OCA2: variants seen among roughly 807,000 people sequenced by gnomAD.
OCA2 encodes P protein.
Under a neutral mutation model 100.2 loss-of-function variants are expected in OCA2, and 77 were observed. That is an observed-to-expected ratio of 0.77 (90% CI 0.64 to 0.93). The LOEUF (loss-of-function observed/expected upper bound fraction) is 0.93. Ranked by LOEUF, OCA2 falls within the 40% of genes least tolerant of loss-of-function variation. The pLI, the probability that OCA2 is intolerant of heterozygous loss-of-function variation, is 0.00. For missense variants in OCA2, 1,062 were observed against 1,089.1 expected, an observed-to-expected ratio of 0.98 and a Z score of 0.35; for synonymous variants, 432 against 439.2, an observed-to-expected ratio of 0.98 and a Z score of 0.21.
At chr15:27,829,590 G>C (rs893147002) in intron 23 of OCA2, among the ~76,000 whole-genome samples, 5 of 152,216 alleles carry the variant, frequency 3.3e-5, no homozygotes, top group Admixed American at 2.0e-4. Flanking sequence ...CAGCAACATG[G>C]AGTTTCCAGG....
chr15:27,743,381 G>T, the OCA2 span, among the ~76,000 whole-genome samples: 1 of 152,182 alleles, frequency 6.6e-6, no homozygotes, highest in Non-Finnish European at 1.5e-5. Context: ...CTTTCAGGCT[G>T]CCAGGAGAAA....
chr15:27,720,353 A>C, the OCA2 span, among the ~76,000 whole-genome samples: 1 of 151,094 alleles, frequency 6.6e-6, no homozygotes, highest in African/African-American at 2.4e-5. Flanking sequence ...GGCAGAACAA[A>C]CAAGCGTCAC....
At chr15:28,015,032 A>G (rs752954145) in intron 8 of OCA2, 103 bp from the exon 9 acceptor site, 2 of 1,211,956 alleles carry the variant, frequency 1.7e-6, no homozygotes, top group Non-Finnish European at 2.4e-6. Context: ...GGAACAATTC[A>G]GCCCAACGCC....
At chr15:27,876,274 T>A (rs1056801430) in intron 19 of OCA2, among the ~76,000 whole-genome samples, 1 of 152,114 alleles carries the variant, frequency 6.6e-6, no homozygotes. Flanking sequence ...ATACTAATTA[T>A]TGAATGTTAA....
At chr15:27,909,192 C>T (rs2038292321) in intron 19 of OCA2, among the ~76,000 whole-genome samples, 1 of 152,092 alleles carries the variant, frequency 6.6e-6, no homozygotes, top group African/African-American at 2.4e-5. Flanking sequence ...ATACCTTTAA[C>T]AAAAAATGTG....
At position 28,037,260 on chromosome 15, in the gene OCA2, T is replaced by C. The variant is rs1267965516; in HGVS notation, c.228-5097A>G. Among the ~76,000 whole-genome samples the C allele has an allele frequency of 2.0e-5, 3 of 150,818 alleles. No individual in the cohort carries two copies. In the East Asian group the frequency reaches 5.9e-4, roughly 30 times the overall value. ...GGGACCAAAATAAATCAAGCAGAAG[T>C]CAGAGGGCAGGAAGGCAGCTGGTGG... On this transcript the variant is annotated intron_variant, in intron 2 of 23. Coordinates refer to ENST00000354638, the MANE Select transcript of OCA2 (RefSeq NM_000275.3).
At chr15:28,009,645 G>A (rs943247637) in intron 9 of OCA2, among the ~76,000 whole-genome samples, 19 of 151,078 alleles carry the variant, frequency 1.3e-4, no homozygotes, top group African/African-American at 3.6e-4. Context: ...CTGAGATTGC[G>A]CCACTGCACT....
chr15:27,888,717 T>C (rs2037330962), intron 19 of OCA2, among the ~76,000 whole-genome samples: 1 of 151,992 alleles, frequency 6.6e-6, no homozygotes, highest in Non-Finnish European at 1.5e-5. Flanking sequence ...GAAAACATCC[T>C]AAGAGCAATC....
rs1032019254 is a variant in OCA2, at chr15:28,096,957, C to A, written c.-22+2267G>T. ...GCCCAGCCCCGCTCCCAGCCCGGGG[C>A]CAGGACCCCTCCCCGCGGCGCCGCT... On this transcript the variant is annotated intron_variant, in intron 1 of 23. Transcript: ENST00000354638. Among the ~76,000 whole-genome samples, 5 of 152,222 alleles carry A rather than the reference C, an allele frequency of 3.3e-5. 1 individual carries two copies. Among genetic ancestry groups the A allele is most frequent in the African/African-American group, 1.2e-4 (5 of 41,544 alleles).
At position 27,806,856 on chromosome 15, in the gene OCA2, C is replaced by G. The variant is rs1013485829; in HGVS notation, c.2432+38103G>C. On this transcript the variant is annotated intron_variant, in intron 23 of 23. Transcript: ENST00000354638. ...GGGAGGCCCAGGTGGGAAGCAGCTGCATGGCCGAGCCTCACTGGGTCAGCC... is the reference window on the plus strand; with the variant it reads ...GGGAGGCCCAGGTGGGAAGCAGCTGGATGGCCGAGCCTCACTGGGTCAGCC... Among the ~76,000 whole-genome samples the G allele has an allele frequency of 2.0e-5, 3 of 152,348 alleles. No individual in the cohort carries two copies. In the East Asian group the frequency reaches 5.8e-4, roughly 29 times the overall value.
intron 9 of OCA2, among the ~76,000 whole-genome samples, chr15:28,003,750 C>G (rs1483968944): frequency 6.8e-6 from 1 of 146,944 alleles, no homozygotes; most frequent in Admixed American, 6.6e-5. Context: ...GAAGACCGCC[C>G]TCGACGTCCA....
the OCA2 span, among the ~76,000 whole-genome samples, chr15:27,734,136 A>G: frequency 7.1e-6 from 1 of 141,744 alleles, no homozygotes; most frequent in African/African-American, 2.7e-5. Context: ...CTCCAGATAG[A>G]GTGAGGCTCT....
At chr15:28,081,141 G>C (rs2044608924) in intron 2 of OCA2, among the ~76,000 whole-genome samples, 1 of 152,064 alleles carries the variant, frequency 6.6e-6, no homozygotes, top group Non-Finnish European at 1.5e-5. Context: ...GTACCATGCT[G>C]ACTACCCGGG....
chr15:27,723,020 T>C, the OCA2 span, among the ~76,000 whole-genome samples: 1 of 151,778 alleles, frequency 6.6e-6, no homozygotes, highest in African/African-American at 2.4e-5. Flanking sequence ...TTTTTGTATT[T>C]TTAGTAGAGA....
At chr15:27,961,738 A>G (rs2040416883) in intron 15 of OCA2, among the ~76,000 whole-genome samples, 1 of 152,074 alleles carries the variant, frequency 6.6e-6, no homozygotes. Flanking sequence ...CATAAGTGGG[A>G]GTTGAACAAT....
chr15:27,846,252 A>T (rs1384387426), intron 22 of OCA2, among the ~76,000 whole-genome samples: 2 of 151,944 alleles, frequency 1.3e-5, no homozygotes, highest in Non-Finnish European at 2.9e-5. Context: ...TGGCCAGGAG[A>T]CCTGCCCAGT....
intron 23 of OCA2, among the ~76,000 whole-genome samples, chr15:27,842,960 G>A (rs1338970411): frequency 1.3e-5 from 2 of 152,200 alleles, no homozygotes; most frequent in African/African-American, 2.4e-5. Context: ...TGGAGTGGAC[G>A]CAAACCCTTT....
intron 18 of OCA2, among the ~76,000 whole-genome samples, chr15:27,936,376 G>T (rs1408724123): frequency 6.6e-6 from 1 of 152,196 alleles, no homozygotes. Context: ...TATGGCAGCA[G>T]AAGGAGGGAG....
At chr15:27,752,538 G>A (rs1229346202), downstream of OCA2, among the ~76,000 whole-genome samples, 2 of 152,108 alleles carry the variant, frequency 1.3e-5, no homozygotes, top group African/African-American at 2.4e-5. Context: ...ATAAAGCTGA[G>A]TATCTTCCAT....
Sources: allele counts gnomAD v4.1 joint callset (sites outside exome capture counted in the v4.1 genomes callset), GRCh38; gene constraint gnomAD v4.1.1; transcripts MANE v1.5; gene names NCBI Gene and HGNC (gene_info 2026-07-23, HGNC 2026-07-21).